Variants in CLTC observed in about 807,000 individuals in gnomAD.
CLTC encodes the protein clathrin heavy chain 1.
CLTC carries 16 observed loss-of-function variants against 195.8 expected under a neutral mutation model. The ratio of observed to expected loss-of-function variants is 0.08; its 90% CI spans 0.06 to 0.12. The LOEUF (loss-of-function observed/expected upper bound fraction) is 0.12. CLTC is among the 10% of genes least tolerant of loss of function. The pLI is 1.00. For missense variants in CLTC, 796 were observed against 2,027.0 expected, an observed-to-expected ratio of 0.39 and a Z score of 11.66; for synonymous variants, 667 against 689.4, an observed-to-expected ratio of 0.97 and a Z score of 0.51.
Position 59,648,192 on chromosome 17 carries a change from T to C in CLTC, c.520-48T>C. ...TTTCATTACTTGATGAATCTGAGAGTTTTTGATTTATGGGTCTTCAAACGT... is the reference window on the plus strand; with the variant it reads ...TTTCATTACTTGATGAATCTGAGAGCTTTTGATTTATGGGTCTTCAAACGT... On this transcript the variant is annotated intron_variant, in intron 3 of 31. Transcript: ENST00000269122. This position sits in a 1 kb window ranked among gnomAD's most constrained non-coding sequence, Gnocchi z 4.5. The C allele has an allele frequency of 6.6e-7, 1 of 1,525,580 alleles. No individual in the cohort carries two copies. The highest frequency in any genetic ancestry group is 8.9e-7 in the Non-Finnish European group (1 of 1,125,782). 94.5% of individuals were successfully genotyped at this position (1,525,580 alleles called of 1,614,324 possible). A position where few individuals can be genotyped will look rare whatever the true frequency, so the allele number is the denominator to read the frequency against.
rs761237133 is a variant in CLTC at position 59,685,202 on chromosome 17, G to A, written c.4581G>A (p.Leu1527=). The A allele has an allele frequency of 4.9e-5, 77 of 1,583,476 alleles. No homozygotes were observed. The highest frequency in any genetic ancestry group is 6.8e-5 in the East Asian group (3 of 44,230). The stretch of plus-strand genomic sequence containing the variant: ...ATCGCTGGAAACAGAGTGTAGAGCT[G>A]TGCAAGAAAGACAGCCTTTACAAGG... ...GNNRWKQSVE[L]CKKDSLYKDA... The change falls in exon 29 of 32, where the codon CTG becomes CTA. Residue 1527 remains leucine (L), a synonymous_variant. Coordinates refer to ENST00000269122, the MANE Select transcript of CLTC (RefSeq NM_004859.4). This position sits in a 1 kb window ranked among gnomAD's most constrained non-coding sequence, Gnocchi z 5.0.
In CLTC at chr17:59,681,931, A is replaced by G. The variant is rs527554462; in HGVS notation, c.3442+92A>G. The G allele has an allele frequency of 2.6e-6, 3 of 1,158,422 alleles. No individual in the cohort carries two copies. Among genetic ancestry groups the G allele is most frequent in the African/African-American group, 3.1e-5 (2 of 64,940 alleles). 71.8% of individuals were successfully genotyped at this position (1,158,422 alleles called of 1,614,324 possible). A position where few individuals can be genotyped will look rare whatever the true frequency, so the allele number is the denominator to read the frequency against. On this transcript the variant is annotated intron_variant, in intron 21 of 31. Coordinates refer to ENST00000269122, the MANE Select transcript of CLTC (RefSeq NM_004859.4). This position sits in a 1 kb window ranked among gnomAD's most constrained non-coding sequence, Gnocchi z 5.0. ...CTATTCTGAATTTTAGAAGAGTTGG[A>G]TACTGCATGGTTTCTTTTAGTGCTC...
chr17:59,632,688 A>AT (rs1466359126), intron 1 of CLTC, among the ~76,000 whole-genome samples: 1 of 152,136 alleles, frequency 6.6e-6, no homozygotes, highest in African/African-American at 2.4e-5. Flanking sequence ...TCTAGGGCAC[A>AT]TCCTCTTCCT....
At position 59,674,708 on chromosome 17, in the gene CLTC, C is replaced by A. The variant is rs752683241; in HGVS notation, c.2426C>A (p.Pro809Gln). Residue 809 changes from proline to glutamine, a missense_variant, in exon 16 of 32, where the codon CCA (proline) becomes CAA (glutamine). Around this residue, in one of 9 missense-constraint regions of CLTC, gnomAD observed 160 missense variants for 448.2 expected, o/e 0.36. Transcript: ENST00000269122. Reference sequence around the variant, plus strand: ...ACTTCTTTTTAACCACAGGTGAATCCAAGTCGACTTCCTGTAGTTATTGGA... The same window carrying A: ...ACTTCTTTTTAACCACAGGTGAATCAAAGTCGACTTCCTGTAGTTATTGGA... ...YIEIYVQKVN[P>Q]SRLPVVIGGL... 6.2e-7 allele frequency: 1 copy of A among 1,610,618 alleles called. No homozygotes were observed. The highest frequency in any genetic ancestry group is 1.7e-5 in the Admixed American group (1 of 59,542).
At chr17:59,688,296 T>C (rs1455326911) in intron 30 of CLTC, among the ~76,000 whole-genome samples, 3 of 152,282 alleles carry the variant, frequency 2.0e-5, no homozygotes, top group South Asian at 4.1e-4. Context: ...CTTTTTTTCA[T>C]GCACACATAC....
At chr17:59,675,552 T>C (rs2032947516) in intron 16 of CLTC, among the ~76,000 whole-genome samples, 1 of 152,178 alleles carries the variant, frequency 6.6e-6, no homozygotes, top group Admixed American at 6.5e-5. Context: ...ATTATATTCT[T>C]AGAATTTATA....
chr17:59,687,002 T>C (rs1386711102), intron 30 of CLTC: 4 of 988,964 alleles, frequency 4.0e-6, no homozygotes, highest in Non-Finnish European at 3.6e-6. Flanking sequence ...CCTTTGCAGG[T>C]TGATGCAATA....
Position 59,694,953 on chromosome 17 carries a change from A to T in CLTC, c.*1101A>T. On this transcript the variant is annotated 3_prime_UTR_variant, in exon 32 of 32. Transcript: ENST00000269122. ...GTAGTTCATTAACAAGGTACATGCA[A>T]TAGTCTAAAGAACCAGAGTCACTAC... 4.5e-6 allele frequency: 1 copy of T among 219,976 alleles called. No individual in the cohort carries two copies. Among genetic ancestry groups the T allele is most frequent in the African/African-American group, 2.2e-5 (1 of 44,760 alleles). 13.6% of individuals were successfully genotyped at this position (219,976 alleles called of 1,614,324 possible). A position where few individuals can be genotyped will look rare whatever the true frequency, so the allele number is the denominator to read the frequency against.
At chr17:59,686,300 A>G (rs1047651148) in intron 30 of CLTC, among the ~76,000 whole-genome samples, 7 of 148,422 alleles carry the variant, frequency 4.7e-5, no homozygotes, top group African/African-American at 7.4e-5. Flanking sequence ...TGAACATGGG[A>G]AAAAAAAAAC....
At chr17:59,690,601 T>C (rs1187566384) in intron 30 of CLTC, 35 bp from the exon 31 acceptor site, 47 of 1,472,962 alleles carry the variant, frequency 3.2e-5, no homozygotes, top group Non-Finnish European at 4.2e-5. Context: ...ATAATACTTT[T>C]GGGGTGCTAA....
chr17:59,658,461 C>T (rs1268828563), intron 6 of CLTC, among the ~76,000 whole-genome samples: 2 of 152,170 alleles, frequency 1.3e-5, no homozygotes, highest in African/African-American at 4.8e-5. Flanking sequence ...TCCCTTCCTC[C>T]CAAATTTTAT....
intron 31 of CLTC, among the ~76,000 whole-genome samples, chr17:59,692,148 C>T (rs1171261355): frequency 6.6e-6 from 1 of 152,160 alleles, no homozygotes; most frequent in Non-Finnish European, 1.5e-5. Context: ...GAAACCCCAT[C>T]TCTACTAAAA....
chr17:59,631,329 C>T (rs2031708830), intron 1 of CLTC, among the ~76,000 whole-genome samples: 1 of 152,202 alleles, frequency 6.6e-6, no homozygotes, highest in African/African-American at 2.4e-5. Flanking sequence ...GGGAGTGTCT[C>T]ATTTGCTGTA....
intron 1 of CLTC, among the ~76,000 whole-genome samples, chr17:59,636,970 T>C (rs12450295): frequency 0.82 from 116,145 of 142,064 alleles, 47,728 homozygotes; most frequent in South Asian, 0.93. Context: ...TTAGTAGAGA[T>C]GGGGTTTTGC....
intron 1 of CLTC, among the ~76,000 whole-genome samples, chr17:59,626,344 C>T (rs1040341754): frequency 1.3e-5 from 2 of 152,012 alleles, no homozygotes; most frequent in African/African-American, 4.8e-5. Flanking sequence ...TGAAACTGCC[C>T]CCCAAAAAGA....
chr17:59,686,305 A>T (rs886247064), intron 30 of CLTC, among the ~76,000 whole-genome samples: 1 of 151,392 alleles, frequency 6.6e-6, no homozygotes, highest in Non-Finnish European at 1.5e-5. Flanking sequence ...ATGGGAAAAA[A>T]AAAACAAGCT....
chr17:59,693,618 G>A (rs1275030947), intron 31 of CLTC, 110 bp from the exon 32 acceptor site: 1 of 1,292,374 alleles, frequency 7.7e-7, no homozygotes. Flanking sequence ...CTCATTTGAG[G>A]TTGAGATTAT....
chr17:59,645,671 G>C (rs1303807090), intron 2 of CLTC, among the ~76,000 whole-genome samples: 1 of 152,146 alleles, frequency 6.6e-6, no homozygotes, highest in Non-Finnish European at 1.5e-5. Context: ...TTTGTATATA[G>C]TAATAATACT....
intron 13 of CLTC, among the ~76,000 whole-genome samples, chr17:59,668,416 G>A (rs1244874262): frequency 6.6e-6 from 1 of 152,172 alleles, no homozygotes; most frequent in East Asian, 1.9e-4. Context: ...CTGGCATGGT[G>A]GCATGCATCT....
Sources: allele counts gnomAD v4.1 joint callset (sites outside exome capture counted in the v4.1 genomes callset), GRCh38; gene constraint gnomAD v4.1.1; regional missense constraint gnomAD v4.1.1; non-coding constraint Gnocchi (gnomAD v3.1); transcripts MANE v1.5; gene names NCBI Gene and HGNC (gene_info 2026-07-23, HGNC 2026-07-21).